Variants in MYLK4 observed in about 807,000 individuals in gnomAD.
MYLK4 encodes myosin light chain kinase family member 4.
A neutral mutation model predicts 48.1 loss-of-function variants in MYLK4; 46 were observed. The ratio of observed to expected loss-of-function variants is 0.96; its 90% CI spans 0.75 to 1.22. The LOEUF is 1.22. Ranked by LOEUF, MYLK4 falls within the 50% of genes most tolerant of loss-of-function variation. MYLK4 has a pLI of 0.00. For synonymous variants in MYLK4, 170 were observed against 180.8 expected, an observed-to-expected ratio of 0.94 and a Z score of 0.48; for missense variants, 451 against 486.1, an observed-to-expected ratio of 0.93 and a Z score of 0.68.
At chr6:2,756,205 A>G in the MYLK4 span, among the ~76,000 whole-genome samples, 1 of 152,178 alleles carries the variant, frequency 6.6e-6, no homozygotes, top group African/African-American at 2.4e-5. Context: ...TTTATAAAGA[A>G]GAGCTTTCCA....
chr6:2,725,109 C>T (rs1763209336), intron 2 of MYLK4, among the ~76,000 whole-genome samples: 1 of 152,162 alleles, frequency 6.6e-6, no homozygotes, highest in Non-Finnish European at 1.5e-5. Flanking sequence ...CGAGATAGCC[C>T]CACTGCACTC....
the MYLK4 span, among the ~76,000 whole-genome samples, chr6:2,758,661 C>G: frequency 6.6e-6 from 1 of 152,116 alleles, no homozygotes; most frequent in Non-Finnish European, 1.5e-5. Context: ...TGCAATTTTA[C>G]CATTTACATG....
the MYLK4 span, among the ~76,000 whole-genome samples, chr6:2,765,181 A>AAC: frequency 7.0e-5 from 3 of 43,128 alleles, no homozygotes; most frequent in Admixed American, 2.5e-4. Context: ...CTCGCCTCGC[A>AAC]ACCCCCCCCC....
chr6:2,734,967 T>G (rs1442204001), intron 2 of MYLK4, among the ~76,000 whole-genome samples: 10 of 152,194 alleles, frequency 6.6e-5, no homozygotes, highest in Admixed American at 5.9e-4. Flanking sequence ...CAGGAGCCAC[T>G]CTGAGCAATC....
At position 2,683,136 on chromosome 6, in the gene MYLK4, C is replaced by T. The variant is rs202140204; in HGVS notation, c.572G>A (p.Arg191His). ...EYVDGGELFD[R>H]IIDESYNLTE... ...CAAATTGTAGCTCTCATCGATGATG[C>T]GGTCAAACAGCTCCCCACCATCCAC... Residue 191 changes from arginine (R) to histidine (H), a missense_variant, in exon 7 of 13, where the codon CGC (arginine) becomes CAC (histidine). By Grantham distance (29) the Arg-to-His change is conservative. Coordinates refer to ENST00000274643, the MANE Select transcript of MYLK4 (RefSeq NM_001012418.5). 84 of 1,614,020 alleles carry T rather than the reference C, an allele frequency of 5.2e-5. No homozygotes were observed. The highest frequency in any genetic ancestry group is 1.1e-4 in the East Asian group (5 of 44,872).
At chr6:2,750,670 T>C (rs1230530910) in intron 1 of MYLK4, 66 bp downstream of exon 1, 1 of 152,224 alleles carries the variant, frequency 6.6e-6, no homozygotes, top group Non-Finnish European at 1.5e-5. Flanking sequence ...CAATTTGTTA[T>C]TGAAGGTAAC....
intron 2 of MYLK4, among the ~76,000 whole-genome samples, chr6:2,730,665 G>A (rs1763446669): frequency 6.6e-6 from 1 of 151,980 alleles, no homozygotes; most frequent in Non-Finnish European, 1.5e-5. Context: ...CAGAGGAGAT[G>A]CTTACCACAG....
At chr6:2,765,820 G>A in the MYLK4 span, 2 of 1,355,096 alleles carry the variant, frequency 1.5e-6, no homozygotes, top group Non-Finnish European at 9.4e-7. Context: ...GGCCCTCGCC[G>A]CCCGGCGCCA....
chr6:2,766,118 G>C, the MYLK4 span: 2 of 1,325,706 alleles, frequency 1.5e-6, no homozygotes, highest in Non-Finnish European at 1.9e-6. Context: ...GCAGGAGGAG[G>C]AGGAGGCCGT....
chr6:2,750,206 T>A (rs1448935524), intron 1 of MYLK4, among the ~76,000 whole-genome samples: 1 of 152,188 alleles, frequency 6.6e-6, no homozygotes, highest in Non-Finnish European at 1.5e-5. Context: ...AAGCGCCTCT[T>A]CGAGCATTTT....
chr6:2,726,749 A>G (rs1236896545), intron 2 of MYLK4, among the ~76,000 whole-genome samples: 1 of 151,038 alleles, frequency 6.6e-6, no homozygotes, highest in Non-Finnish European at 1.5e-5. Flanking sequence ...AGTAGCTGGG[A>G]TTACAGGCGC....
At chr6:2,699,904 A>G (rs1762225535) in intron 2 of MYLK4, among the ~76,000 whole-genome samples, 1 of 152,098 alleles carries the variant, frequency 6.6e-6, no homozygotes, top group South Asian at 2.1e-4. Context: ...ATTATTACAA[A>G]TATTCTCTCT....
In MYLK4 at chr6:2,667,266, A is replaced by G. The variant is rs9501872; in HGVS notation, c.*659T>C. Reference sequence around the variant, plus strand: ...GAATCAGCTACATGGAAGAAAACGCACGCTGGGGACAATTCAGAATAAATG... The same window carrying G: ...GAATCAGCTACATGGAAGAAAACGCGCGCTGGGGACAATTCAGAATAAATG... On this transcript the variant is annotated 3_prime_UTR_variant, in exon 13 of 13. Coordinates refer to ENST00000274643, the MANE Select transcript of MYLK4 (RefSeq NM_001012418.5). 0.38 allele frequency: 57,940 copies of G among 151,768 alleles called. 11,308 individuals carry two copies. The highest frequency in any genetic ancestry group is 0.4 in the Non-Finnish European group (27,302 of 67,850). 9.4% of individuals were successfully genotyped at this position (151,768 alleles called of 1,614,324 possible).
At chr6:2,762,914 A>G in the MYLK4 span, among the ~76,000 whole-genome samples, 1 of 152,208 alleles carries the variant, frequency 6.6e-6, no homozygotes, top group Non-Finnish European at 1.5e-5. Context: ...AAGTCTCCAC[A>G]GTGAGTATTA....
At chr6:2,766,828 A>G in the MYLK4 span, among the ~76,000 whole-genome samples, 23 of 151,916 alleles carry the variant, frequency 1.5e-4, no homozygotes, top group African/African-American at 5.3e-4. Flanking sequence ...GTAAAGAAAC[A>G]TTTGTATATT....
At chr6:2,698,316 ACCT>A (rs1762145544) in intron 2 of MYLK4, among the ~76,000 whole-genome samples, 1 of 152,064 alleles carries the variant, frequency 6.6e-6, no homozygotes, top group African/African-American at 2.4e-5. Context: ...GTCTTTTCAA[ACCT>A]CCTCAGCTCT....
chr6:2,753,945 C>T (rs1164606672), upstream of MYLK4, among the ~76,000 whole-genome samples: 1 of 149,248 alleles, frequency 6.7e-6, no homozygotes, highest in East Asian at 2.0e-4. Flanking sequence ...AGGATCACTT[C>T]AGTCCAGGAG....
At chr6:2,763,700 C>CG in the MYLK4 span, among the ~76,000 whole-genome samples, 2 of 152,258 alleles carry the variant, frequency 1.3e-5, no homozygotes, top group African/African-American at 4.8e-5. Context: ...TTGGCCCGCC[C>CG]AGGAAAGAGC....
At chr6:2,679,514 C>T (rs1238016628) in intron 8 of MYLK4, 106 bp from the exon 9 acceptor site, 2 of 1,360,222 alleles carry the variant, frequency 1.5e-6, no homozygotes, top group Non-Finnish European at 2.1e-6. Flanking sequence ...ATACAGCAAA[C>T]TTCAGACAAA....
Sources: allele counts gnomAD v4.1 joint callset (sites outside exome capture counted in the v4.1 genomes callset), GRCh38; gene constraint gnomAD v4.1.1; transcripts MANE v1.5; gene names NCBI Gene and HGNC (gene_info 2026-07-23, HGNC 2026-07-21).